Variants in NT5DC1 observed in about 807,000 individuals in gnomAD.
NT5DC1 encodes the protein 5'-nucleotidase domain-containing protein 1.
NT5DC1 carries 42 observed loss-of-function variants against 59.4 expected under a neutral mutation model. That is an observed-to-expected ratio of 0.71 (90% CI 0.55 to 0.92). NT5DC1 has a LOEUF of 0.92. Among genes scored for constraint, NT5DC1 ranks in the 40% least tolerant of loss-of-function variants. NT5DC1 has a pLI of 0.00. For missense variants in NT5DC1, 501 were observed against 537.1 expected, an observed-to-expected ratio of 0.93 and a Z score of 0.66; for synonymous variants, 172 against 188.1, an observed-to-expected ratio of 0.91 and a Z score of 0.70.
intron 6 of NT5DC1, chr6:116,125,795 C>G (rs1280272848): frequency 3.9e-6 from 1 of 256,510 alleles, no homozygotes; most frequent in African/African-American, 2.3e-5. Context: ...AATCTAGGAT[C>G]TTTGACATAG....
Position 116,221,153 on chromosome 6 carries a change from A to G in NT5DC1, c.629A>G (p.Asn210Ser), listed in dbSNP as rs78163555. The change falls in exon 7 of 12, where the codon AAT (asparagine) becomes AGT (serine). Residue 210 changes from asparagine to serine, a missense_variant. Asn to Ser is a conservative substitution (Grantham distance 46, BLOSUM62 1). Coordinates refer to ENST00000319550, the MANE Select transcript of NT5DC1 (RefSeq NM_152729.3). ...SVKKWLRQLK[N>S]AGKILLLITS... ...AAAAAATGGCTTCGACAGCTAAAGAATGCTGGGAAAATTCTTCTGTTAATT... is the reference window on the plus strand; with the variant it reads ...AAAAAATGGCTTCGACAGCTAAAGAGTGCTGGGAAAATTCTTCTGTTAATT... 1.8e-5 allele frequency: 29 copies of G among 1,589,698 alleles called. No individual in the cohort carries two copies. Among genetic ancestry groups the G allele is most frequent in the Non-Finnish European group, 2.4e-5 (28 of 1,158,374 alleles).
chr6:116,227,552 G>A (rs1427938649), intron 8 of NT5DC1, among the ~76,000 whole-genome samples: 5 of 151,686 alleles, frequency 3.3e-5, no homozygotes, highest in East Asian at 1.9e-4. Flanking sequence ...ACTTTTTTCC[G>A]TAATGGCTAA....
intron 6 of NT5DC1, among the ~76,000 whole-genome samples, chr6:116,161,750 C>G (rs1780336931): frequency 6.6e-6 from 1 of 152,076 alleles, no homozygotes; most frequent in South Asian, 2.1e-4. Context: ...ATTGTTTTTT[C>G]TAATTCTGTG....
Position 116,243,906 on chromosome 6 carries a change from C to T in NT5DC1, c.1253-3C>T, listed in dbSNP as rs746391661. On this transcript the variant is annotated splice_region_variant and splice_polypyrimidine_tract_variant and intron_variant, in intron 11 of 11. Coordinates refer to ENST00000319550, the MANE Select transcript of NT5DC1 (RefSeq NM_152729.3). ...AATAATTAAATTTTTTTTTCCTCCC[C>T]AGAATTACCTCTGGACTACAAATTT... 2.3e-6 allele frequency: 3 copies of T among 1,313,002 alleles called. No homozygotes were observed. Among genetic ancestry groups the T allele is most frequent in the South Asian group, 1.3e-5 (1 of 77,728 alleles). 81.3% of individuals were successfully genotyped at this position (1,313,002 alleles called of 1,614,324 possible).
intron 6 of NT5DC1, among the ~76,000 whole-genome samples, chr6:116,188,566 A>C (rs1781051578): frequency 6.6e-6 from 1 of 152,038 alleles, no homozygotes; most frequent in Non-Finnish European, 1.5e-5. Flanking sequence ...TGCATTTATA[A>C]AATAGATATT....
rs1289982145 is a variant in NT5DC1 at position 116,160,320 on chromosome 6, G to A, written c.529+42375G>A. On this transcript the variant is annotated intron_variant, in intron 6 of 11. Coordinates refer to ENST00000319550, the MANE Select transcript of NT5DC1 (RefSeq NM_152729.3). ...TCATAATAGCTATTCTGACTGGTAT[G>A]AGATGGCATCTCACTGTGGTTTTAA... Among the ~76,000 whole-genome samples the A allele has an allele frequency of 3.3e-5, 5 of 152,126 alleles. No individual in the cohort carries two copies. The East Asian group carries it at 9.6e-4, about 29-fold the overall frequency.
At chr6:116,158,545 G>C (rs552352235) in intron 6 of NT5DC1, 2 of 152,140 alleles carry the variant, frequency 1.3e-5, no homozygotes, top group East Asian at 3.9e-4. Context: ...CAGTATTTTT[G>C]CCCTGTTTTT....
At chr6:116,159,276 C>A (rs899711767) in intron 6 of NT5DC1, among the ~76,000 whole-genome samples, 2 of 151,974 alleles carry the variant, frequency 1.3e-5, no homozygotes, top group African/African-American at 4.8e-5. Context: ...GAGGTTTATT[C>A]TTATCAAAAA....
At chr6:116,201,919 T>C (rs895352427) in intron 6 of NT5DC1, among the ~76,000 whole-genome samples, 2 of 152,042 alleles carry the variant, frequency 1.3e-5, no homozygotes, top group African/African-American at 4.8e-5. Context: ...GGTAGATTTA[T>C]GCACCTACAG....
intron 6 of NT5DC1, chr6:116,158,886 C>A (rs996705312): frequency 2.0e-5 from 3 of 152,144 alleles, no homozygotes; most frequent in Non-Finnish European, 2.9e-5. Flanking sequence ...CTGTTGTTTT[C>A]CAGCAGTCAG....
At chr6:116,200,880 CCTT>C (rs1781333509) in intron 6 of NT5DC1, among the ~76,000 whole-genome samples, 3 of 152,090 alleles carry the variant, frequency 2.0e-5, no homozygotes, top group East Asian at 3.9e-4. Flanking sequence ...ACATATGCTC[CCTT>C]CTTCTTCCCC....
At chr6:116,146,824 A>G (rs1002710895) in intron 6 of NT5DC1, among the ~76,000 whole-genome samples, 14 of 151,976 alleles carry the variant, frequency 9.2e-5, no homozygotes, top group African/African-American at 9.7e-5. Context: ...AGATTATTCA[A>G]TAAGTGGTGT....
At chr6:116,231,006 T>C (rs930949953) in intron 8 of NT5DC1, among the ~76,000 whole-genome samples, 4 of 150,004 alleles carry the variant, frequency 2.7e-5, no homozygotes, top group Non-Finnish European at 5.9e-5. Flanking sequence ...ACTCAGAGGC[T>C]GAGGCAGGAA....
chr6:116,227,177 A>G (rs1439544006), intron 8 of NT5DC1, among the ~76,000 whole-genome samples: 2 of 152,082 alleles, frequency 1.3e-5, no homozygotes, highest in African/African-American at 4.8e-5. Context: ...TTCTGATTCT[A>G]TGAGTTTGGC....
chr6:116,137,405 T>TA (rs1290454596), intron 6 of NT5DC1: 1 of 156,480 alleles, frequency 6.4e-6, no homozygotes, highest in Non-Finnish European at 1.4e-5. Context: ...GGAAATCAGA[T>TA]ATCAGTGCCA....
intron 6 of NT5DC1, among the ~76,000 whole-genome samples, chr6:116,216,146 A>G (rs1687465411): frequency 6.6e-6 from 1 of 152,130 alleles, no homozygotes; most frequent in Non-Finnish European, 1.5e-5. Context: ...AACCACAATG[A>G]CATTTAAGAT....
At chr6:116,231,321 G>GA (rs1031428625) in intron 8 of NT5DC1, among the ~76,000 whole-genome samples, 1 of 151,334 alleles carries the variant, frequency 6.6e-6, no homozygotes, top group African/African-American at 2.4e-5. Flanking sequence ...AACAACTGGA[G>GA]AAAAAAAAGT....
chr6:116,238,242 G>T lies in NT5DC1; in HGVS notation c.977G>T (p.Ser326Ile). The T allele has an allele frequency of 6.2e-7, 1 of 1,612,444 alleles. No individual in the cohort carries two copies. The highest frequency in any genetic ancestry group is 8.5e-7 in the Non-Finnish European group (1 of 1,178,938). The part of the protein sequence containing the change: ...HSDIFPARHY[S>I]NWETVLILEE... The stretch of plus-strand genomic sequence containing the variant: ...GATATTTTCCCAGCTCGTCACTATA[G>T]TAATTGGGAGACAGTCCTCATCCTG... The change falls in exon 10 of 12, where the codon AGT becomes ATT. Residue 326 changes from serine (S) to isoleucine (I), a missense_variant. Ser to Ile is a moderately radical substitution (Grantham distance 142, BLOSUM62 -2). Transcript: ENST00000319550.
intron 6 of NT5DC1, among the ~76,000 whole-genome samples, chr6:116,184,631 G>C (rs1480322502): frequency 6.6e-6 from 1 of 151,974 alleles, no homozygotes. Context: ...TATATTTCCA[G>C]GAATTTATCC....
Sources: allele counts gnomAD v4.1 joint callset (sites outside exome capture counted in the v4.1 genomes callset), GRCh38; gene constraint gnomAD v4.1.1; transcripts MANE v1.5; gene names NCBI Gene and HGNC (gene_info 2026-07-23, HGNC 2026-07-21).